MYO1C: variants seen among roughly 807,000 people sequenced by gnomAD.
MYO1C encodes the protein myosin IC.
MYO1C carries 104 observed loss-of-function variants against 150.8 expected under a neutral mutation model. That is an observed-to-expected ratio of 0.69 (90% CI 0.59 to 0.81). The LOEUF is 0.81. Ranked by LOEUF, MYO1C falls within the 30% of genes least tolerant of loss-of-function variation. MYO1C has a pLI of 0.00. For synonymous variants in MYO1C, 663 were observed against 579.9 expected (o/e 1.14, Z -2.06); for missense variants, 1,504 against 1,435.0 (o/e 1.05, Z -0.78).
chr17:1,476,501 T>C (rs1280154161), intron 14 of MYO1C, among the ~76,000 whole-genome samples: 1 of 152,188 alleles, frequency 6.6e-6, no homozygotes, highest in Admixed American at 6.5e-5. Context: ...TATATTATTA[T>C]GCAAAAAATA....
chr17:1,485,660 AC>A (rs1232991497), intron 1 of MYO1C: 36 of 1,202,422 alleles, frequency 3.0e-5, no homozygotes, highest in Admixed American at 2.4e-4. Flanking sequence ...GACGCCCGGG[AC>A]CCCCCGCCCT....
chr17:1,471,122 T>G lies in MYO1C; in HGVS notation c.2161A>C (p.Lys721Gln), dbSNP rs1259360619. The G allele has an allele frequency of 5.0e-6, 8 of 1,614,090 alleles. No individual in the cohort carries two copies. Among genetic ancestry groups the G allele is most frequent in the Non-Finnish European group, 6.8e-6 (8 of 1,179,974 alleles). The change falls in exon 21 of 32, where the codon AAG becomes CAG. Residue 721 changes from lysine (K) to glutamine (Q), a missense_variant. Transcript: ENST00000648651. ...GRTKIFIRFP[K>Q]TLFATEDALE... ...GCATCCTCTGTGGCAAACAGGGTCT[T>G]GGGGAAGCGGATGAAGATCTTGGTC...
chr17:1,471,057 G>A lies in MYO1C; in HGVS notation c.2212+14C>T. 6.2e-7 allele frequency: 1 copy of A among 1,613,078 alleles called. No individual in the cohort carries two copies. The highest frequency in any genetic ancestry group is 1.1e-5 in the South Asian group (1 of 91,062). On this transcript the variant is annotated intron_variant, in intron 21 of 31. Coordinates refer to ENST00000648651, the MANE Select transcript of MYO1C (RefSeq NM_001080779.2). ...GGGACCCCGTGCAGCAGGAAGGGTA[G>A]GCCTCTCTCTCACCCAGGCTCTGCC...
Position 1,482,946 on chromosome 17 carries a change from A to G in MYO1C, c.461T>C (p.Leu154Pro). 6.2e-7 allele frequency: 1 copy of G among 1,611,724 alleles called. No homozygotes were observed. The highest frequency in any genetic ancestry group is 8.5e-7 in the Non-Finnish European group (1 of 1,179,806). The part of the protein sequence containing the change: ...AGKTEATKRL[L>P]QFYAETCPAP... ...TGGGCAGGTCTCTGCATAGAACTGCAGCAGCCTCTTGGTGGCCTCGGTCTT... is the reference window on the plus strand; with the variant it reads ...TGGGCAGGTCTCTGCATAGAACTGCGGCAGCCTCTTGGTGGCCTCGGTCTT... Residue 154 changes from leucine to proline, a missense_variant, in exon 4 of 32, where the codon CTG (leucine) becomes CCG (proline). Coordinates refer to ENST00000648651, the MANE Select transcript of MYO1C (RefSeq NM_001080779.2).
chr17:1,485,577 G>A, intron 1 of MYO1C: 1 of 828,914 alleles, frequency 1.2e-6, no homozygotes, highest in South Asian at 5.1e-5. Flanking sequence ...TTCCCGGGAC[G>A]TTTTTCCACC....
rs554017878 is a variant in MYO1C, at chr17:1,467,850, T to C, written c.2957A>G (p.Asn986Ser). 1.2e-6 allele frequency: 2 copies of C among 1,601,752 alleles called. No homozygotes were observed. The highest frequency in any genetic ancestry group is 1.4e-5 in the African/African-American group (1 of 72,322). ...LFVLHVQRAD[N>S]KQKGDVVLQS... The stretch of plus-strand genomic sequence containing the variant: ...TCCATGAAAAGGCACCTTTTGCTTA[T>C]TGTCCGCACGCTGTACATGAAGCAC... The change falls in exon 29 of 32, where the codon AAT becomes AGT. Residue 986 changes from asparagine to serine, a missense_variant. Asn to Ser is a conservative substitution (Grantham distance 46). Coordinates refer to ENST00000648651, the MANE Select transcript of MYO1C (RefSeq NM_001080779.2).
intron 1 of MYO1C, 162 bp from the exon 2 acceptor site, chr17:1,484,465 CT>C (rs1278406197): frequency 2.1e-5 from 17 of 823,492 alleles, no homozygotes; most frequent in Non-Finnish European, 2.7e-5. Context: ...TGCTGAGGGC[CT>C]GGGTGTGGTG....
rs1457403670 is a variant in MYO1C at position 1,474,796 on chromosome 17, C to G, written c.1716+16G>C. 6.8e-6 allele frequency: 11 copies of G among 1,613,650 alleles called. No individual in the cohort carries two copies. The African/African-American group carries it at 1.5e-4, about 22-fold the overall frequency. On this transcript the variant is annotated intron_variant, in intron 16 of 31. Transcript: ENST00000648651. ...CTATCCCCACCCCCACCCCGGCCTC[C>G]CCACGTCCTCCTCACCTCCTTAAGG...
chr17:1,488,215 C>A lies in MYO1C; in HGVS notation c.76-3912G>T, dbSNP rs1482282624. On this transcript the variant is annotated intron_variant, in intron 1 of 31. Transcript: ENST00000648651. ...GAATCCGCGCGCGGAGGGGTCGGGCCCGCTTCTTCCAGTTCCCGGGCCGCG... is the reference window on the plus strand; with the variant it reads ...GAATCCGCGCGCGGAGGGGTCGGGCACGCTTCTTCCAGTTCCCGGGCCGCG... 2.0e-5 allele frequency among the ~76,000 whole-genome samples: 3 copies of A among 152,078 alleles called. No homozygotes were observed. The East Asian group carries it at 5.8e-4, about 29-fold the overall frequency.
rs76446640 is a variant in MYO1C, at chr17:1,465,839, T to C, written c.3166-87A>G. 104,047 of 1,050,734 alleles carry C rather than the reference T, an allele frequency of 0.099. 5,454 individuals are homozygous for C. Among genetic ancestry groups the C allele is most frequent in the East Asian group, 0.14 (4,761 of 34,506 alleles). The allele number at this position is 1,050,734 out of a possible 1,614,324, so 65.1% of individuals were successfully genotyped here. A position where few individuals can be genotyped will look rare whatever the true frequency, so the allele number is the denominator to read the frequency against. On this transcript the variant is annotated intron_variant, in intron 31 of 31. Transcript: ENST00000648651. ...GACTTTTCTTTTCGTCCTTGTTTTT[T>C]CCTTTTTATGGAGAATGGGGTCTCG...
At position 1,478,301 on chromosome 17, in the gene MYO1C, G is replaced by T; in HGVS notation, c.1295+109C>A. ...ACAGGAGGTGAGAAACACAGAGACA[G>T]TCCCCGGCTGGCTGGGGAGTCACAG... On this transcript the variant is annotated intron_variant, in intron 11 of 31. Transcript: ENST00000648651. This position sits in a 1 kb window ranked among gnomAD's most constrained non-coding sequence, Gnocchi z 6.3. The T allele has an allele frequency of 1.3e-6, 2 of 1,548,738 alleles. No individual in the cohort carries two copies. The highest frequency in any genetic ancestry group is 1.8e-6 in the Non-Finnish European group (2 of 1,121,062).
In MYO1C at chr17:1,474,877, C is replaced by G. The variant is rs375413069; in HGVS notation, c.1670-19G>C. 2 of 1,613,894 alleles carry G rather than the reference C, an allele frequency of 1.2e-6. No homozygotes were observed. Among genetic ancestry groups the G allele is most frequent in the Non-Finnish European group, 1.7e-6 (2 of 1,179,920 alleles). ...AGAAACCCTGGGAGGGGAGAACCGA[C>G]GTGAGGTGAGACAGAGCCTCCCCGC... On this transcript the variant is annotated intron_variant, in intron 15 of 31. Transcript: ENST00000648651.
chr17:1,485,366 G>A lies in MYO1C; in HGVS notation c.76-1063C>T, dbSNP rs1294634959. The A allele has an allele frequency of 1.4e-5, 15 of 1,093,940 alleles. No homozygotes were observed. The East Asian group carries it at 5.5e-4, about 40-fold the overall frequency. 67.8% of individuals were successfully genotyped at this position (1,093,940 alleles called of 1,614,324 possible). ...GAAAGGCCCAGATTTCTGGCCGGGG[G>A]CCTGCCCCTCCCAGGCTTGTCCTCA... is the stretch of plus-strand genomic sequence containing the variant. On this transcript the variant is annotated intron_variant, in intron 1 of 31. Transcript: ENST00000648651.
chr17:1,469,458 GGA>G, intron 25 of MYO1C, 71 bp downstream of exon 25: 1 of 1,371,756 alleles, frequency 7.3e-7, no homozygotes. Flanking sequence ...CCCTCCAGGC[GGA>G]CACCCTTTGA....
At chr17:1,468,196 C>T (rs763834510) in intron 27 of MYO1C, 57 bp downstream of exon 27, 21 of 1,610,930 alleles carry the variant, frequency 1.3e-5, no homozygotes, top group Admixed American at 6.7e-5. Flanking sequence ...GACCTGCCTT[C>T]AGCTCTCAGG....
At chr17:1,475,130 T>G in intron 14 of MYO1C, 98 bp from the exon 15 acceptor site, 7 of 1,255,670 alleles carry the variant, frequency 5.6e-6, no homozygotes, top group Non-Finnish European at 7.9e-6. Flanking sequence ...GCTGCCCAGG[T>G]GCACCCCAGG....
At chr17:1,480,949 C>T in intron 5 of MYO1C, 64 bp from the exon 6 acceptor site, 1 of 1,571,058 alleles carries the variant, frequency 6.4e-7, no homozygotes, top group Non-Finnish European at 8.7e-7. Flanking sequence ...ACCTGCCCCT[C>T]TTCTCCCCTG....
chr17:1,473,663 C>T (rs2074347499), intron 17 of MYO1C, among the ~76,000 whole-genome samples: 2 of 152,190 alleles, frequency 1.3e-5, no homozygotes, highest in African/African-American at 4.8e-5. Flanking sequence ...TGGAGCCCTC[C>T]CTGCATCTGG....
At chr17:1,483,127 C>A in intron 3 of MYO1C, 68 bp from the exon 4 acceptor site, 1 of 1,465,650 alleles carries the variant, frequency 6.8e-7, no homozygotes, top group Non-Finnish European at 9.2e-7. Context: ...AGTCCCGCTC[C>A]CACATCTGGG....
Sources: gnomAD v4.1 joint callset for allele counts (sites outside exome capture counted in the v4.1 genomes callset) on GRCh38, gnomAD v4.1.1 for gene constraint, Gnocchi (gnomAD v3.1) non-coding constraint, MANE v1.5 for transcripts, NCBI Gene and HGNC (gene_info 2026-07-23, HGNC 2026-07-21) for gene names.